Variants in GATA4 observed in about 807,000 individuals in gnomAD.
GATA4 encodes transcription factor GATA-4.
A neutral mutation model predicts 37.9 loss-of-function variants in GATA4; 7 were observed. The ratio of observed to expected loss-of-function variants is 0.18; its 90% CI spans 0.11 to 0.35. The LOEUF is 0.35. Ranked by LOEUF, GATA4 falls within the 10% of genes least tolerant of loss-of-function variation. The pLI, the probability that GATA4 is intolerant of heterozygous loss-of-function variation, is 1.00. For synonymous variants in GATA4, 372 were observed against 292.6 expected, an observed-to-expected ratio of 1.27 and a Z score of -2.77; for missense variants, 647 against 653.0, an observed-to-expected ratio of 0.99 and a Z score of 0.10.
At chr8:11,692,899 C>T in intron 1 of GATA4, 1 of 983,344 alleles carries the variant, frequency 1.0e-6, no homozygotes, top group Non-Finnish European at 1.2e-6. Flanking sequence ...CCCGCGCTCG[C>T]CTCCAGCCGC....
rs535354819 is a variant in GATA4, at chr8:11,686,618, T to C, written c.-274+9555T>C. Among the ~76,000 whole-genome samples, 5 of 152,334 alleles carry C rather than the reference T, an allele frequency of 3.3e-5. No individual in the cohort carries two copies. The East Asian group carries it at 9.7e-4, about 29-fold the overall frequency. The stretch of plus-strand genomic sequence containing the variant: ...CATGTAATTTTCCAGCCCCCTACAC[T>C]GCACAGGCATAGTGGTAGGAACTTT... On this transcript the variant is annotated intron_variant, in intron 1 of 6. Transcript: ENST00000528712.
At chr8:11,757,954 G>T (rs993391962) in intron 6 of GATA4, among the ~76,000 whole-genome samples, 4 of 152,254 alleles carry the variant, frequency 2.6e-5, no homozygotes, top group Non-Finnish European at 4.4e-5. Flanking sequence ...GGGCCGGGTG[G>T]ATGGCTTCTT....
Position 11,729,932 on chromosome 8 carries a change from T to C in GATA4, c.617-18984T>C, listed in dbSNP as rs75031422. On this transcript the variant is annotated intron_variant, in intron 2 of 6. Transcript: ENST00000532059. ...CCACTTACTATTTGTTGTCGTTGTT[T>C]CTATTGTTTTTGAGAGAAGGTCTTG... 6.9e-3 allele frequency among the ~76,000 whole-genome samples: 944 copies of C among 136,524 alleles called. 13 individuals carry two copies. Among genetic ancestry groups the C allele is most frequent in the East Asian group, 0.059 (307 of 5,176 alleles). 89.6% of individuals were successfully genotyped at this position (136,524 alleles called of 152,430 possible).
intron 2 of GATA4, among the ~76,000 whole-genome samples, chr8:11,715,901 A>G (rs1217058424): frequency 6.6e-6 from 1 of 151,980 alleles, no homozygotes; most frequent in Admixed American, 6.6e-5. Context: ...GGTAACCCCC[A>G]TTCTATTTTC....
chr8:11,740,549 G>C (rs779249227), intron 2 of GATA4, among the ~76,000 whole-genome samples: 1 of 152,224 alleles, frequency 6.6e-6, no homozygotes, highest in Non-Finnish European at 1.5e-5. Context: ...ACTGATCGTA[G>C]CTTCCCACAT....
intron 1 of GATA4, among the ~76,000 whole-genome samples, chr8:11,699,091 G>C (rs996236960): frequency 3.3e-5 from 5 of 152,198 alleles, no homozygotes; most frequent in African/African-American, 1.2e-4. Context: ...AGCACCTACT[G>C]TAATCCTTGC....
intron 2 of GATA4, 42 bp from the exon 3 acceptor site, chr8:11,748,874 T>A (rs1802156798): frequency 6.2e-7 from 1 of 1,608,580 alleles, no homozygotes; most frequent in African/African-American, 1.3e-5. Context: ...AAACAAAGAA[T>A]TAATCCTCTG....
intron 2 of GATA4, among the ~76,000 whole-genome samples, chr8:11,721,676 A>G (rs1004771535): frequency 2.6e-5 from 4 of 152,130 alleles, no homozygotes; most frequent in Admixed American, 2.6e-4. Flanking sequence ...ACTCAAGCCA[A>G]TTTTAGTCCC....
intron 2 of GATA4, among the ~76,000 whole-genome samples, chr8:11,714,409 C>A (rs1007501157): frequency 1.3e-5 from 2 of 152,144 alleles, no homozygotes; most frequent in African/African-American, 2.4e-5. Flanking sequence ...TTTTCTGGAT[C>A]TTTTGGGACC....
At chr8:11,703,404 C>A (rs1410295377), upstream of GATA4, among the ~76,000 whole-genome samples, 1 of 152,078 alleles carries the variant, frequency 6.6e-6, no homozygotes, top group Non-Finnish European at 1.5e-5. Flanking sequence ...ACATTCCCCT[C>A]CCCCATACCC....
At chr8:11,731,529 A>AT (rs1173431660) in intron 2 of GATA4, among the ~76,000 whole-genome samples, 1 of 152,190 alleles carries the variant, frequency 6.6e-6, no homozygotes, top group East Asian at 1.9e-4. Context: ...GAGCCGTCAA[A>AT]TTCATGACGA....
chr8:11,748,056 T>C (rs192647752), intron 2 of GATA4, among the ~76,000 whole-genome samples: 1 of 152,088 alleles, frequency 6.6e-6, no homozygotes, highest in East Asian at 1.9e-4. Context: ...CCGTCTCTAC[T>C]AAAAGCACAA....
upstream of GATA4, among the ~76,000 whole-genome samples, chr8:11,689,713 G>T (rs1438195465): frequency 6.6e-6 from 1 of 152,146 alleles, no homozygotes; most frequent in African/African-American, 2.4e-5. Flanking sequence ...CTGGGCCAGG[G>T]TCACTGTTTC....
At chr8:11,731,085 G>T (rs926599485) in intron 2 of GATA4, among the ~76,000 whole-genome samples, 82 of 152,312 alleles carry the variant, frequency 5.4e-4, no homozygotes, top group African/African-American at 1.9e-3. Flanking sequence ...CCTGTAATCT[G>T]TTCACTCTTG....
intron 2 of GATA4, among the ~76,000 whole-genome samples, chr8:11,741,920 G>A (rs550519386): frequency 9.2e-5 from 14 of 152,310 alleles, no homozygotes; most frequent in Non-Finnish European, 1.6e-4. Flanking sequence ...GATGGCCAAG[G>A]CATCTGTGGG....
intron 1 of GATA4, among the ~76,000 whole-genome samples, chr8:11,694,784 A>C (rs541156805): frequency 7.9e-5 from 12 of 152,292 alleles, no homozygotes; most frequent in African/African-American, 2.4e-4. Flanking sequence ...GTATGACTGG[A>C]GTTAGAAACA....
At chr8:11,710,244 C>T (rs1800113399) in intron 2 of GATA4, among the ~76,000 whole-genome samples, 2 of 152,236 alleles carry the variant, frequency 1.3e-5, no homozygotes, top group Admixed American at 6.5e-5. Flanking sequence ...CTTGGTGTTC[C>T]CCTCCCCCTC....
intron 2 of GATA4, 108 bp from the exon 3 acceptor site, chr8:11,748,808 A>G: frequency 1.5e-6 from 2 of 1,324,246 alleles, no homozygotes; most frequent in Non-Finnish European, 1.1e-6. Context: ...TTCTCTTTCC[A>G]AGGAAAGGGC....
At chr8:11,682,232 G>C (rs1798996088) in intron 1 of GATA4, among the ~76,000 whole-genome samples, 1 of 152,172 alleles carries the variant, frequency 6.6e-6, no homozygotes, top group Non-Finnish European at 1.5e-5. Context: ...AACGGTGTCG[G>C]ATGGCTTCTC....
Sources: allele counts gnomAD v4.1 joint callset (sites outside exome capture counted in the v4.1 genomes callset), GRCh38; gene constraint gnomAD v4.1.1; transcripts MANE v1.5; gene names NCBI Gene and HGNC (gene_info 2026-07-23, HGNC 2026-07-21).